SIDT1: variants seen among roughly 807,000 people sequenced by gnomAD.
The protein encoded by SIDT1 is SID1 transmembrane family member 1.
A neutral mutation model predicts 107.5 loss-of-function variants in SIDT1; 101 were observed. That is an observed-to-expected ratio of 0.94 (90% CI 0.80 to 1.11). The LOEUF is 1.11. Among genes scored for constraint, SIDT1 ranks in the 50% least tolerant of loss-of-function variants. SIDT1 has a pLI of 0.00. For missense variants in SIDT1, 1,076 were observed against 1,058.2 expected (o/e 1.02, Z -0.23); for synonymous variants, 395 against 398.2 (o/e 0.99, Z 0.10).
intron 3 of SIDT1, among the ~76,000 whole-genome samples, chr3:113,576,372 G>A (rs1942900192): frequency 6.6e-6 from 1 of 152,144 alleles, no homozygotes; most frequent in Non-Finnish European, 1.5e-5. Context: ...CAGCCAACGT[G>A]GCAGGCAATC....
At chr3:113,579,760 T>G (rs571498751) in intron 4 of SIDT1, among the ~76,000 whole-genome samples, 8 of 152,322 alleles carry the variant, frequency 5.3e-5, no homozygotes, top group African/African-American at 1.9e-4. Context: ...GGAGCCTGTT[T>G]CGGTTGCTTT....
intron 1 of SIDT1, among the ~76,000 whole-genome samples, chr3:113,553,056 T>A (rs1940452778): frequency 6.6e-6 from 1 of 152,178 alleles, no homozygotes; most frequent in Non-Finnish European, 1.5e-5. Flanking sequence ...GGGGTGTTGC[T>A]GCCATCTACC....
chr3:113,604,101 C>T (rs1945155710), intron 13 of SIDT1, 68 bp downstream of exon 13: 3 of 1,105,836 alleles, frequency 2.7e-6, no homozygotes, highest in Non-Finnish European at 4.0e-6. Flanking sequence ...AGAGCCACAA[C>T]CACTTAGGCA....
intron 9 of SIDT1, among the ~76,000 whole-genome samples, chr3:113,588,243 A>G (rs1186234283): frequency 6.6e-6 from 1 of 152,226 alleles, no homozygotes; most frequent in East Asian, 1.9e-4. Context: ...AATGCACAGC[A>G]TAGATTTCTC....
At chr3:113,573,655 GCCCTTGTGA>G in intron 3 of SIDT1, among the ~76,000 whole-genome samples, 1 of 152,282 alleles carries the variant, frequency 6.6e-6, no homozygotes. Flanking sequence ...TGAGAGTGGA[GCCCTTGTGA>G]ATGGGATTAA....
At position 113,562,352 on chromosome 3, in the gene SIDT1, A is replaced by G. The variant is rs1282891481; in HGVS notation, c.223-4068A>G. Among the ~76,000 whole-genome samples the G allele has an allele frequency of 2.0e-5, 3 of 152,256 alleles. No individual in the cohort carries two copies. The South Asian group carries it at 6.2e-4, about 31-fold the overall frequency. ...ACATAGAGTTACCATGTCTCCCAGC[A>G]ATTCTACTCATAGGCATATGCCCAA... is the stretch of plus-strand genomic sequence containing the variant. On this transcript the variant is annotated intron_variant, in intron 1 of 24. Coordinates refer to ENST00000264852, the MANE Select transcript of SIDT1 (RefSeq NM_017699.3).
At chr3:113,605,076 T>G in intron 14 of SIDT1, 100 bp downstream of exon 14, 1 of 1,265,412 alleles carries the variant, frequency 7.9e-7, no homozygotes, top group Non-Finnish European at 1.1e-6. Context: ...TAGGATCCAT[T>G]CAGGAATTTC....
At position 113,626,239 on chromosome 3, in the gene SIDT1, T is replaced by C. The variant is rs1360053447; in HGVS notation, c.2421+24T>C. 2.0e-6 allele frequency: 3 copies of C among 1,499,694 alleles called. No homozygotes were observed. The South Asian group carries it at 3.4e-5, about 17-fold the overall frequency. 92.9% of individuals were successfully genotyped at this position (1,499,694 alleles called of 1,614,324 possible). ...TGGTGAGTTCATATCTATCTTTTTG[T>C]GACTTTCTTCTCTCTTTACATCTTG... On this transcript the variant is annotated intron_variant, in intron 24 of 24. Transcript: ENST00000264852.
chr3:113,635,515 C>A, the SIDT1 span, among the ~76,000 whole-genome samples: 1 of 152,172 alleles, frequency 6.6e-6, no homozygotes, highest in Non-Finnish European at 1.5e-5. Flanking sequence ...CTGTCTTCTC[C>A]TATAAGGTAG....
At chr3:113,597,532 A>G (rs1944661357) in intron 10 of SIDT1, among the ~76,000 whole-genome samples, 1 of 149,478 alleles carries the variant, frequency 6.7e-6, no homozygotes, top group African/African-American at 2.5e-5. Flanking sequence ...CATGCTAGCT[A>G]GTTCCCATCA....
chr3:113,564,522 T>C (rs1278870835), intron 1 of SIDT1, among the ~76,000 whole-genome samples: 1 of 152,136 alleles, frequency 6.6e-6, no homozygotes, highest in Admixed American at 6.5e-5. Context: ...GTCACTGTGA[T>C]GCAGGACTGA....
intron 9 of SIDT1, among the ~76,000 whole-genome samples, chr3:113,585,802 G>T (rs1943702014): frequency 2.0e-5 from 3 of 152,154 alleles, no homozygotes; most frequent in Admixed American, 1.3e-4. Flanking sequence ...CCTTGGAGGG[G>T]GAAAGGAGGT....
chr3:113,613,057 C>T lies in SIDT1; in HGVS notation c.1966+863C>T, dbSNP rs78574349. On this transcript the variant is annotated intron_variant, in intron 19 of 24. Transcript: ENST00000264852. Reference sequence around the variant, plus strand: ...CTCCATTGCAACTAAATTAGAAGGCCTAGGTTCAAATTTAAAATTCTTGGT... The same window carrying T: ...CTCCATTGCAACTAAATTAGAAGGCTTAGGTTCAAATTTAAAATTCTTGGT... Among the ~76,000 whole-genome samples the T allele has an allele frequency of 1.3e-3, 203 of 152,246 alleles. 1 individual carries two copies. The highest frequency in any genetic ancestry group is 4.7e-3 in the African/African-American group (194 of 41,542).
intron 10 of SIDT1, among the ~76,000 whole-genome samples, chr3:113,600,580 C>T (rs1009241784): frequency 6.6e-6 from 1 of 152,202 alleles, no homozygotes; most frequent in Non-Finnish European, 1.5e-5. Context: ...AGAGGTAGTA[C>T]TGGTAGCAGC....
intron 21 of SIDT1, 99 bp from the exon 22 acceptor site, chr3:113,623,327 AG>A: frequency 2.8e-5 from 17 of 612,308 alleles, no homozygotes; most frequent in South Asian, 1.5e-4. Flanking sequence ...AAAAAAAAAA[AG>A]AACCTGCCCC....
intron 1 of SIDT1, among the ~76,000 whole-genome samples, chr3:113,535,456 T>C (rs1270984119): frequency 2.6e-5 from 4 of 152,228 alleles, no homozygotes; most frequent in Admixed American, 6.5e-5. Flanking sequence ...TAAAAACAAA[T>C]TTCTTTCATA....
intron 21 of SIDT1, among the ~76,000 whole-genome samples, chr3:113,621,332 C>A (rs935707061): frequency 4.8e-4 from 73 of 151,886 alleles, no homozygotes; most frequent in African/African-American, 1.6e-3. Context: ...AGGCCAGGTG[C>A]AGTGGCTCAC....
intron 1 of SIDT1, among the ~76,000 whole-genome samples, chr3:113,548,980 G>A (rs1222487348): frequency 1.3e-5 from 2 of 152,120 alleles, no homozygotes; most frequent in African/African-American, 2.4e-5. Context: ...CCCTAAGAAG[G>A]CAGAAGTTGA....
At chr3:113,604,063 C>T (rs1394306576) in intron 13 of SIDT1, 30 bp downstream of exon 13, 3 of 1,452,912 alleles carry the variant, frequency 2.1e-6, no homozygotes, top group Non-Finnish European at 1.9e-6. Flanking sequence ...GACCATGGTT[C>T]CCTTAAATAA....
Sources: gnomAD v4.1 joint callset for allele counts (sites outside exome capture counted in the v4.1 genomes callset) on GRCh38, gnomAD v4.1.1 for gene constraint, MANE v1.5 for transcripts, NCBI Gene and HGNC (gene_info 2026-07-23, HGNC 2026-07-21) for gene names.